COL21A1: variants seen among roughly 807,000 people sequenced by gnomAD.
The protein encoded by COL21A1 is collagen type XXI alpha 1 chain, also known as collagen alpha-1(XXI) chain.
A neutral mutation model predicts 137.9 loss-of-function variants in COL21A1; 149 were observed. The ratio of observed to expected loss-of-function variants is 1.08; its 90% confidence interval spans 0.95 to 1.24. The LOEUF is 1.24. COL21A1 is among the 50% of genes most tolerant of loss of function. The pLI is 0.00. For missense variants in COL21A1, 1,167 were observed against 1,158.4 expected (o/e 1.01, Z -0.11); for synonymous variants, 456 against 391.5 (o/e 1.16, Z -1.95).
intron 17 of COL21A1, among the ~76,000 whole-genome samples, chr6:56,082,649 A>T (rs972547600): frequency 3.1e-4 from 46 of 148,966 alleles, no homozygotes; most frequent in African/African-American, 1.0e-3. Flanking sequence ...GAAACCGGAA[A>T]ATTCTACTAT....
chr6:56,161,866 C>A (rs1776230851), intron 9 of COL21A1, among the ~76,000 whole-genome samples: 1 of 152,160 alleles, frequency 6.6e-6, no homozygotes, highest in South Asian at 2.1e-4. Flanking sequence ...ATCTTAGAAT[C>A]AGCACTTCCC....
At position 56,377,621 on chromosome 6, in the gene COL21A1, G is replaced by T. The variant is rs561506308; in HGVS notation, c.-39+16350C>A. Reference sequence around the variant, plus strand: ...GCCACAGCAGGCTAAAGCACTCTGGGGGTCTAAATAAACTTGAAAGGCAGT... The same window carrying T: ...GCCACAGCAGGCTAAAGCACTCTGGTGGTCTAAATAAACTTGAAAGGCAGT... On this transcript the variant is annotated intron_variant, in intron 1 of 28. Transcript: ENST00000370819. 5.3e-5 allele frequency among the ~76,000 whole-genome samples: 8 copies of T among 152,130 alleles called. No individual in the cohort carries two copies. The South Asian group carries it at 1.2e-3, about 24-fold the overall frequency.
chr6:56,385,646 C>T (rs2094016679), intron 1 of COL21A1, among the ~76,000 whole-genome samples: 1 of 152,068 alleles, frequency 6.6e-6, no homozygotes, highest in African/African-American at 2.4e-5. Context: ...GTTGTGCAGC[C>T]ACCATCTATA....
At chr6:56,260,889 T>C (rs923852079) in intron 1 of COL21A1, among the ~76,000 whole-genome samples, 1 of 151,446 alleles carries the variant, frequency 6.6e-6, no homozygotes, top group African/African-American at 2.4e-5. Context: ...TGTGTGTGTG[T>C]GTGTACCTTT....
chr6:56,276,744 A>G lies in COL21A1; in HGVS notation c.-38-94088T>C, dbSNP rs113331117. On this transcript the variant is annotated intron_variant, in intron 1 of 28. Coordinates refer to the COL21A1 transcript ENST00000370819. ...TTCCTTATAAACAGAACTGCCATCA[A>G]GTATCCAAATCATCTCTACTTTATT... 1.3e-3 allele frequency: 1,753 copies of G among 1,314,120 alleles called. 20 individuals carry two copies. In the African/African-American group the frequency reaches 0.022, roughly 16 times the overall value. The allele number at this position is 1,314,120 out of a possible 1,614,324, so 81.4% of individuals were successfully genotyped here.
chr6:56,156,230 A>G (rs947509648), intron 10 of COL21A1, among the ~76,000 whole-genome samples: 12 of 152,188 alleles, frequency 7.9e-5, no homozygotes, highest in Non-Finnish European at 1.3e-4. Flanking sequence ...GATGTATGCA[A>G]TTTTGAAGTA....
In COL21A1 at chr6:56,124,276, T is replaced by A; in HGVS notation, c.1667A>T (p.Lys556Met). The change falls in exon 15 of 30, where the codon AAG becomes ATG. Residue 556 changes from lysine to methionine, a missense_variant. Coordinates refer to ENST00000244728, the MANE Select transcript of COL21A1 (RefSeq NM_030820.4). The stretch of plus-strand genomic sequence containing the variant: ...GAGGCCAGGGAAGCCAGCATTCCCC[T>A]TTTCACCTTTTGCACCCTGTATCGA... The part of the protein sequence containing the change: ...FYGKKGAKGE[K>M]GNAGFPGLPG... The A allele has an allele frequency of 6.2e-7, 1 of 1,603,616 alleles. No individual in the cohort carries two copies. Among genetic ancestry groups the A allele is most frequent in the South Asian group, 1.1e-5 (1 of 88,754 alleles).
At chr6:56,254,081 T>C (rs1414841253) in intron 1 of COL21A1, among the ~76,000 whole-genome samples, 1 of 152,218 alleles carries the variant, frequency 6.6e-6, no homozygotes, top group Non-Finnish European at 1.5e-5. Context: ...CAAGAGAACA[T>C]TGAGTGAAAT....
intron 1 of COL21A1, among the ~76,000 whole-genome samples, chr6:56,355,359 TG>T (rs2152347483): frequency 6.6e-6 from 1 of 151,030 alleles, no homozygotes; most frequent in South Asian, 2.1e-4. Context: ...ATTCAGACTG[TG>T]GGAAACACAA....
chr6:56,328,215 T>G lies in COL21A1; in HGVS notation c.-39+65756A>C, dbSNP rs76341968. On this transcript the variant is annotated intron_variant, in intron 1 of 28. Coordinates refer to the COL21A1 transcript ENST00000370819. ...TTCACAGTGACAGCTGCAAATACTT[T>G]TAAGGTCAACTATTTTTAAAATATG... Among the ~76,000 whole-genome samples the G allele has an allele frequency of 8.5e-3, 1,289 of 152,210 alleles. 19 individuals carry two copies. Among genetic ancestry groups the G allele is most frequent in the African/African-American group, 0.029 (1,206 of 41,548 alleles).
At chr6:56,105,661 C>T (rs369148676) in intron 16 of COL21A1, among the ~76,000 whole-genome samples, 3 of 152,102 alleles carry the variant, frequency 2.0e-5, no homozygotes, top group African/African-American at 7.2e-5. Flanking sequence ...GCCATGTCAC[C>T]TTGGACAAGT....
intron 17 of COL21A1, among the ~76,000 whole-genome samples, chr6:56,097,980 TATAA>T (rs1448173866): frequency 0.014 from 966 of 68,144 alleles, 109 homozygotes; most frequent in Middle Eastern, 0.042. Flanking sequence ...TATAAATATA[TATAA>T]ATATATATGT....
chr6:56,246,550 T>G (rs1211747410), intron 1 of COL21A1, among the ~76,000 whole-genome samples: 1 of 152,060 alleles, frequency 6.6e-6, no homozygotes, highest in East Asian at 1.9e-4. Flanking sequence ...GCCTCCTCCC[T>G]TGGTGAAGGG....
chr6:56,088,681 G>T (rs974840229), intron 17 of COL21A1, among the ~76,000 whole-genome samples: 37 of 152,048 alleles, frequency 2.4e-4, no homozygotes, highest in African/African-American at 8.9e-4. Flanking sequence ...TCTGCTTTTT[G>T]GGAGCACTTC....
At chr6:56,191,112 A>G (rs1056561564) in intron 1 of COL21A1, among the ~76,000 whole-genome samples, 1 of 152,182 alleles carries the variant, frequency 6.6e-6, no homozygotes, top group African/African-American at 2.4e-5. Flanking sequence ...CAGGGCAATC[A>G]GGCAAGAGAA....
intron 2 of COL21A1, 92 bp downstream of exon 2, chr6:56,182,439 T>A (rs1777971729): frequency 2.5e-6 from 2 of 784,560 alleles, no homozygotes; most frequent in Non-Finnish European, 4.3e-6. Context: ...ACAGTAAGAA[T>A]GAGATCCTTA....
chr6:56,276,594 C>G (rs114233719), intron 1 of COL21A1: 3 of 1,406,424 alleles, frequency 2.1e-6, no homozygotes, highest in Non-Finnish European at 3.0e-6. Context: ...TCAGAGAGAA[C>G]GCCAGGGTAT....
chr6:56,093,350 G>A (rs557479907), intron 17 of COL21A1, among the ~76,000 whole-genome samples: 8 of 152,066 alleles, frequency 5.3e-5, no homozygotes, highest in East Asian at 1.9e-4. Context: ...TTAATAAATC[G>A]CTCTGAAGTC....
chr6:56,217,141 T>C (rs78482574), intron 1 of COL21A1, among the ~76,000 whole-genome samples: 2,218 of 152,164 alleles, frequency 0.015, 51 homozygotes, highest in African/African-American at 0.051. Flanking sequence ...TGCAGAGTAA[T>C]ACTCTCAAGT....
Sources: allele counts gnomAD v4.1 joint callset (sites outside exome capture counted in the v4.1 genomes callset), GRCh38; gene constraint gnomAD v4.1.1; transcripts MANE v1.5; gene names NCBI Gene and HGNC (gene_info 2026-07-23, HGNC 2026-07-21).